The following LRRC4C variants were observed in gnomAD, a reference collection of about 807,000 sequenced individuals.
The protein encoded by LRRC4C is leucine rich repeat containing 4C.
Under a neutral mutation model 33.6 loss-of-function variants are expected in LRRC4C, and 5 were observed. The observed-to-expected ratio is 0.15, with a 90% confidence interval of 0.08 to 0.31. The LOEUF is 0.31. LRRC4C is among the 10% of genes least tolerant of loss of function. LRRC4C has a pLI of 1.00. For synonymous variants in LRRC4C, 329 were observed against 302.0 expected (o/e 1.09, Z -0.93); for missense variants, 560 against 796.7 (o/e 0.70, Z 3.58).
At chr11:40,120,821 GAA>G (rs1174262890) in intron 6 of LRRC4C, among the ~76,000 whole-genome samples, 1 of 152,100 alleles carries the variant, frequency 6.6e-6, no homozygotes, top group Non-Finnish European at 1.5e-5. Flanking sequence ...GTGGTCAAGA[GAA>G]AAGGGTCCAA....
chr11:41,163,167 C>T (rs968613354), intron 1 of LRRC4C, among the ~76,000 whole-genome samples: 1 of 152,072 alleles, frequency 6.6e-6, no homozygotes, highest in African/African-American at 2.4e-5. Context: ...GATGTCTCCC[C>T]AGCCTCAGAA....
chr11:40,147,885 T>A (rs1857874983), intron 5 of LRRC4C, among the ~76,000 whole-genome samples: 1 of 152,118 alleles, frequency 6.6e-6, no homozygotes, highest in African/African-American at 2.4e-5. Flanking sequence ...TTCTTGATCC[T>A]CTCCCTCCTC....
At chr11:41,067,641 T>C (rs748386729) in intron 1 of LRRC4C, among the ~76,000 whole-genome samples, 51 of 152,314 alleles carry the variant, frequency 3.3e-4, no homozygotes, top group Middle Eastern at 6.8e-3. Context: ...GCACTTATTC[T>C]ACAACTGACC....
At chr11:41,007,601 G>A (rs1362522952) in intron 1 of LRRC4C, among the ~76,000 whole-genome samples, 1 of 152,074 alleles carries the variant, frequency 6.6e-6, no homozygotes, top group Non-Finnish European at 1.5e-5. Context: ...CCAAGTAAGT[G>A]TCCATCAGCA....
chr11:40,218,158 T>C (rs1451142086), intron 5 of LRRC4C, among the ~76,000 whole-genome samples: 1 of 152,198 alleles, frequency 6.6e-6, no homozygotes, highest in Non-Finnish European at 1.5e-5. Flanking sequence ...ATATAACTAA[T>C]GTTTTTTATC....
chr11:40,391,679 C>G (rs1002363683), intron 3 of LRRC4C, among the ~76,000 whole-genome samples: 1 of 152,162 alleles, frequency 6.6e-6, no homozygotes, highest in Non-Finnish European at 1.5e-5. Flanking sequence ...TATAGCATCA[C>G]AATTTCCCTG....
chr11:41,059,691 T>C (rs1565344971), intron 1 of LRRC4C, among the ~76,000 whole-genome samples: 2 of 152,188 alleles, frequency 1.3e-5, no homozygotes, highest in South Asian at 2.1e-4. Flanking sequence ...AAAAATTTGC[T>C]ACTCAAGAGT....
At chr11:40,483,919 A>G (rs544815134) in intron 3 of LRRC4C, among the ~76,000 whole-genome samples, 6 of 152,088 alleles carry the variant, frequency 3.9e-5, no homozygotes, top group African/African-American at 1.4e-4. Flanking sequence ...GAAAACAAAA[A>G]AAGACAATTC....
intron 1 of LRRC4C, among the ~76,000 whole-genome samples, chr11:41,016,902 A>G (rs1285267580): frequency 2.0e-5 from 3 of 152,220 alleles, no homozygotes; most frequent in African/African-American, 7.2e-5. Context: ...ACATACCAAT[A>G]AATTGTGGCC....
intron 5 of LRRC4C, among the ~76,000 whole-genome samples, chr11:40,220,670 T>C (rs1176800979): frequency 6.6e-6 from 1 of 152,140 alleles, no homozygotes; most frequent in African/African-American, 2.4e-5. Flanking sequence ...AATAAATTCA[T>C]TTTTTTAACT....
At chr11:41,048,532 G>T (rs1196057925) in intron 1 of LRRC4C, among the ~76,000 whole-genome samples, 2 of 151,852 alleles carry the variant, frequency 1.3e-5, no homozygotes, top group Non-Finnish European at 2.9e-5. Flanking sequence ...CAAAGTGCTG[G>T]GATTACAGGC....
intron 1 of LRRC4C, among the ~76,000 whole-genome samples, chr11:41,205,838 G>C (rs1324346622): frequency 6.6e-6 from 1 of 152,094 alleles, no homozygotes; most frequent in African/African-American, 2.4e-5. Context: ...AGTAATCTGA[G>C]TCTTAGAGAA....
intron 2 of LRRC4C, among the ~76,000 whole-genome samples, chr11:40,699,828 C>T (rs1049251390): frequency 2.0e-5 from 3 of 152,142 alleles, no homozygotes; most frequent in East Asian, 1.9e-4. Context: ...ACACACATCA[C>T]TCTTATAAAG....
At chr11:41,408,316 T>C (rs773707023) in intron 1 of LRRC4C, among the ~76,000 whole-genome samples, 2 of 152,204 alleles carry the variant, frequency 1.3e-5, no homozygotes, top group Non-Finnish European at 2.9e-5. Flanking sequence ...TAACGAATAT[T>C]AATTGTTTAT....
chr11:41,393,296 C>G (rs1172142209), intron 1 of LRRC4C, among the ~76,000 whole-genome samples: 1 of 151,830 alleles, frequency 6.6e-6, no homozygotes, highest in East Asian at 1.9e-4. Context: ...GCTGGGGTTG[C>G]TCAATGGATC....
intron 3 of LRRC4C, among the ~76,000 whole-genome samples, chr11:40,532,492 A>T: frequency 6.6e-6 from 1 of 151,968 alleles, no homozygotes; most frequent in East Asian, 1.9e-4. Flanking sequence ...ATCATATGAT[A>T]ATTACAGGTG....
chr11:40,259,053 C>T (rs1867458603), intron 4 of LRRC4C, among the ~76,000 whole-genome samples: 1 of 152,120 alleles, frequency 6.6e-6, no homozygotes, highest in Non-Finnish European at 1.5e-5. Flanking sequence ...CCCTATTTTG[C>T]AAATGAGGTA....
At chr11:41,014,887 AT>A (rs139237613) in intron 1 of LRRC4C, among the ~76,000 whole-genome samples, 4,785 of 152,284 alleles carry the variant, frequency 0.031, 74 homozygotes, top group African/African-American at 0.049. Flanking sequence ...GGAAACTCGG[AT>A]GTAGACACGT....
intron 1 of LRRC4C, among the ~76,000 whole-genome samples, chr11:40,971,032 A>C (rs1385676583): frequency 6.6e-6 from 1 of 152,202 alleles, no homozygotes; most frequent in African/African-American, 2.4e-5. Flanking sequence ...TTGTATTTAA[A>C]GGGGAAGTAG....
Sources: gnomAD v4.1 joint callset for allele counts (sites outside exome capture counted in the v4.1 genomes callset) on GRCh38, gnomAD v4.1.1 for gene constraint, MANE v1.5 for transcripts, NCBI Gene and HGNC (gene_info 2026-07-23, HGNC 2026-07-21) for gene names.